The following CNTNAP2 variants were observed in gnomAD, a reference collection of about 807,000 sequenced individuals.
CNTNAP2 encodes contactin-associated protein-like 2.
CNTNAP2 carries 98 observed loss-of-function variants against 155.2 expected under a neutral mutation model. The ratio of observed to expected loss-of-function variants is 0.63; its 90% confidence interval spans 0.54 to 0.75. The LOEUF (loss-of-function observed/expected upper bound fraction) is 0.75. CNTNAP2 is among the 30% of genes least tolerant of loss of function. The probability of loss-of-function intolerance (pLI) is 0.00; values close to 1 mark genes in which losing one functional copy is unlikely to be tolerated. For missense variants in CNTNAP2, 1,727 were observed against 1,688.1 expected (o/e 1.02, Z -0.40); for synonymous variants, 651 against 631.2 (o/e 1.03, Z -0.47).
At chr7:147,160,207 A>G (rs1409313808) in intron 8 of CNTNAP2, among the ~76,000 whole-genome samples, 6 of 152,070 alleles carry the variant, frequency 3.9e-5, no homozygotes, top group Non-Finnish European at 7.4e-5. Context: ...ATTTCAGTTG[A>G]TGTAAAAATA....
chr7:147,162,725 C>T (rs920197222), intron 8 of CNTNAP2, among the ~76,000 whole-genome samples: 6 of 152,158 alleles, frequency 3.9e-5, no homozygotes, highest in East Asian at 1.9e-4. Flanking sequence ...GCATAAGCAT[C>T]GGTAATTTTG....
chr7:146,743,745 T>C (rs1801759906), intron 1 of CNTNAP2, among the ~76,000 whole-genome samples: 1 of 152,054 alleles, frequency 6.6e-6, no homozygotes, highest in South Asian at 2.1e-4. Context: ...TCAAACACCA[T>C]ACAATAGGGA....
At chr7:147,773,563 C>T (rs1459226153) in intron 13 of CNTNAP2, among the ~76,000 whole-genome samples, 1 of 152,124 alleles carries the variant, frequency 6.6e-6, no homozygotes, top group East Asian at 1.9e-4. Flanking sequence ...TAGTCCAAAA[C>T]AACAACTAAT....
At chr7:147,030,333 A>G (rs1180393120) in intron 3 of CNTNAP2, among the ~76,000 whole-genome samples, 1 of 152,214 alleles carries the variant, frequency 6.6e-6, no homozygotes, top group Admixed American at 6.5e-5. Context: ...TTCTGGGCTC[A>G]GTACCTTGAG....
chr7:146,701,187 C>G (rs1585048347), intron 1 of CNTNAP2, among the ~76,000 whole-genome samples: 1 of 152,136 alleles, frequency 6.6e-6, no homozygotes, highest in African/African-American at 2.4e-5. Context: ...TTGCACAAGG[C>G]CGATGTTCTG....
intron 4 of CNTNAP2, among the ~76,000 whole-genome samples, chr7:147,093,227 C>G (rs1249495520): frequency 8.1e-6 from 1 of 123,666 alleles, no homozygotes; most frequent in Non-Finnish European, 1.6e-5. Context: ...GGCGAAAGAG[C>G]GAGACTCCAT....
At chr7:147,178,502 T>A (rs1352701132) in intron 8 of CNTNAP2, among the ~76,000 whole-genome samples, 1 of 152,206 alleles carries the variant, frequency 6.6e-6, no homozygotes, top group Non-Finnish European at 1.5e-5. Flanking sequence ...ATAATGAATG[T>A]GTGTTGTTTT....
intron 1 of CNTNAP2, among the ~76,000 whole-genome samples, chr7:146,721,861 G>A (rs1467493256): frequency 3.4e-5 from 3 of 88,200 alleles, no homozygotes; most frequent in East Asian, 2.8e-4. Flanking sequence ...ACATTTATAT[G>A]TGTGTGTGTG....
chr7:148,263,936 A>C (rs1268388661), intron 20 of CNTNAP2, among the ~76,000 whole-genome samples: 1 of 152,208 alleles, frequency 6.6e-6, no homozygotes, highest in Non-Finnish European at 1.5e-5. Context: ...CTGGATCTGC[A>C]GAAACAATTC....
chr7:148,260,402 T>C (rs186525190), intron 20 of CNTNAP2, among the ~76,000 whole-genome samples: 8 of 152,202 alleles, frequency 5.3e-5, no homozygotes, highest in African/African-American at 1.7e-4. Flanking sequence ...AATAAGACAA[T>C]ACATATTAAA....
chr7:146,732,059 T>G (rs982274090), intron 1 of CNTNAP2, among the ~76,000 whole-genome samples: 1 of 152,154 alleles, frequency 6.6e-6, no homozygotes, highest in African/African-American at 2.4e-5. Flanking sequence ...ATCTGTAGAT[T>G]CAGATACAGT....
chr7:146,894,955 G>C (rs1795845854), intron 3 of CNTNAP2, among the ~76,000 whole-genome samples: 1 of 152,086 alleles, frequency 6.6e-6, no homozygotes, highest in African/African-American at 2.4e-5. Flanking sequence ...AGTACTCTTT[G>C]CTTAGGTTAC....
At chr7:148,115,695 A>T (rs1240067223) in intron 15 of CNTNAP2, among the ~76,000 whole-genome samples, 1 of 152,148 alleles carries the variant, frequency 6.6e-6, no homozygotes. Context: ...CTTACCCTTG[A>T]TAACTAGCAA....
chr7:147,186,197 A>G (rs575892624), intron 8 of CNTNAP2, among the ~76,000 whole-genome samples: 3 of 152,284 alleles, frequency 2.0e-5, no homozygotes, highest in African/African-American at 4.8e-5. Flanking sequence ...GGGAGCATCA[A>G]TCTTAATGCT....
intron 20 of CNTNAP2, among the ~76,000 whole-genome samples, chr7:148,264,861 C>T (rs1394217124): frequency 6.6e-6 from 1 of 152,042 alleles, no homozygotes; most frequent in Non-Finnish European, 1.5e-5. Flanking sequence ...CACCCAGCTA[C>T]TTTTTGTATT....
chr7:146,957,647 C>G (rs1274005149), intron 3 of CNTNAP2, among the ~76,000 whole-genome samples: 1 of 152,072 alleles, frequency 6.6e-6, no homozygotes, highest in East Asian at 1.9e-4. Flanking sequence ...TTGGGGTAGA[C>G]AGTGAAATAC....
chr7:146,151,432 C>T (rs1371124469), intron 1 of CNTNAP2, among the ~76,000 whole-genome samples: 2 of 151,196 alleles, frequency 1.3e-5, no homozygotes, highest in South Asian at 2.1e-4. Context: ...CCATTCTACT[C>T]TCTGCTTTAT....
intron 2 of CNTNAP2, among the ~76,000 whole-genome samples, chr7:146,821,108 C>T (rs1270216599): frequency 6.6e-6 from 1 of 152,172 alleles, no homozygotes; most frequent in Non-Finnish European, 1.5e-5. Context: ...TGGGTCTTGA[C>T]TCTTTATCCA....
intron 3 of CNTNAP2, among the ~76,000 whole-genome samples, chr7:146,928,549 A>G (rs1796662873): frequency 1.3e-5 from 2 of 152,168 alleles, no homozygotes; most frequent in South Asian, 4.1e-4. Context: ...CTGAGGTACC[A>G]GGTTCATCTC....
Sources: allele counts gnomAD v4.1 joint callset (sites outside exome capture counted in the v4.1 genomes callset), GRCh38; gene constraint gnomAD v4.1.1; transcripts MANE v1.5; gene names NCBI Gene and HGNC (gene_info 2026-07-23, HGNC 2026-07-21).